The following PCDH15 variants were observed in gnomAD, a reference collection of about 807,000 sequenced individuals.
The protein encoded by PCDH15 is protocadherin-15.
In PCDH15, 129 loss-of-function variants were observed where a neutral mutation model predicts 178.5. The ratio of observed to expected loss-of-function variants is 0.72; its 90% CI spans 0.63 to 0.84. The LOEUF is 0.84. Among genes scored for constraint, PCDH15 ranks in the 40% least tolerant of loss-of-function variants. The pLI, the probability that PCDH15 is intolerant of heterozygous loss-of-function variation, is 0.00. For synonymous variants in PCDH15, 800 were observed against 732.0 expected, an observed-to-expected ratio of 1.09 and a Z score of -1.50; for missense variants, 2,230 against 2,099.9, an observed-to-expected ratio of 1.06 and a Z score of -1.21.
At chr10:54,363,313 A>C (rs140568495) in intron 5 of PCDH15, among the ~76,000 whole-genome samples, 1 of 152,306 alleles carries the variant, frequency 6.6e-6, no homozygotes. Flanking sequence ...CAGGTCATTT[A>C]TCATACATGG....
At chr10:55,511,405 C>G (rs1457771809) in intron 2 of PCDH15, among the ~76,000 whole-genome samples, 1 of 152,004 alleles carries the variant, frequency 6.6e-6, no homozygotes, top group African/African-American at 2.4e-5. Context: ...AGAACACTGA[C>G]AAAACCTGAT....
At chr10:54,646,181 A>T (rs1022104682) in intron 2 of PCDH15, among the ~76,000 whole-genome samples, 1 of 152,108 alleles carries the variant, frequency 6.6e-6, no homozygotes, top group South Asian at 2.1e-4. Flanking sequence ...TTTGTAATCT[A>T]TTGCAGGTGA....
chr10:55,015,090 G>A (rs1304969279), intron 2 of PCDH15, among the ~76,000 whole-genome samples: 1 of 152,022 alleles, frequency 6.6e-6, no homozygotes, highest in Admixed American at 6.6e-5. Context: ...ATGTGATGGT[G>A]TGTGCATGTA....
intron 1 of PCDH15, among the ~76,000 whole-genome samples, chr10:54,692,590 C>G (rs72794520): frequency 1.3e-5 from 2 of 152,116 alleles, no homozygotes; most frequent in Admixed American, 1.3e-4. Context: ...AAATAAAAAT[C>G]GGTTAGAGCT....
At chr10:53,822,174 T>C in intron 32 of PCDH15, 2 of 1,614,032 alleles carry the variant, frequency 1.2e-6, no homozygotes, top group African/African-American at 1.3e-5. Context: ...AGGCATCAAG[T>C]TGGTCGTGCA....
At chr10:53,878,313 T>G (rs11524323) in intron 26 of PCDH15, among the ~76,000 whole-genome samples, 89,977 of 140,808 alleles carry the variant, frequency 0.64, 29,460 homozygotes, top group Middle Eastern at 0.78. Context: ...ACTATATATA[T>G]TCTATATATA....
intron 1 of PCDH15, among the ~76,000 whole-genome samples, chr10:55,179,685 C>T (rs1839589520): frequency 6.6e-6 from 1 of 151,954 alleles, no homozygotes; most frequent in African/African-American, 2.4e-5. Context: ...TCTCTGATTT[C>T]CACGTACCCT....
intron 3 of PCDH15, among the ~76,000 whole-genome samples, chr10:54,461,309 A>G (rs1453357476): frequency 6.6e-6 from 1 of 152,132 alleles, no homozygotes; most frequent in Non-Finnish European, 1.5e-5. Context: ...ACAATAGCCT[A>G]TCTTTCATGT....
chr10:54,758,988 T>C (rs1288125337), intron 1 of PCDH15, among the ~76,000 whole-genome samples: 2 of 152,140 alleles, frequency 1.3e-5, no homozygotes, highest in Non-Finnish European at 2.9e-5. Flanking sequence ...CTGACTCGCC[T>C]CTTATCTCTA....
intron 15 of PCDH15, among the ~76,000 whole-genome samples, chr10:54,103,226 T>G (rs1025000595): frequency 2.6e-5 from 4 of 152,176 alleles, no homozygotes; most frequent in Non-Finnish European, 4.4e-5. Context: ...TTAAATTAAG[T>G]AGGAATGCAG....
At chr10:54,416,421 G>A (rs1416056769) in intron 3 of PCDH15, among the ~76,000 whole-genome samples, 1 of 151,884 alleles carries the variant, frequency 6.6e-6, no homozygotes, top group Non-Finnish European at 1.5e-5. Flanking sequence ...TGATATCTTC[G>A]AGCTTCATCC....
At chr10:54,557,301 A>G (rs538715231) in intron 2 of PCDH15, among the ~76,000 whole-genome samples, 2 of 152,272 alleles carry the variant, frequency 1.3e-5, no homozygotes, top group South Asian at 4.1e-4. Flanking sequence ...TTGCAAAACA[A>G]AAGTCTATTG....
chr10:55,530,984 G>T lies in PCDH15; in HGVS notation c.-156+96641C>A, dbSNP rs181505756. On this transcript the variant is annotated intron_variant, in intron 2 of 5. Coordinates refer to the PCDH15 transcript ENST00000613346. ...TGGAAGTATTTGCAGCATCACAATT[G>T]TCAAAGTCTACAAATTAGGGTTGCT... Among the ~76,000 whole-genome samples, 205 of 149,148 alleles carry T rather than the reference G, an allele frequency of 1.4e-3. 1 individual carries two copies. Among genetic ancestry groups the T allele is most frequent in the African/African-American group, 4.7e-3 (190 of 40,482 alleles).
intron 1 of PCDH15, among the ~76,000 whole-genome samples, chr10:55,264,960 G>A (rs2132239549): frequency 6.6e-6 from 1 of 152,220 alleles, no homozygotes; most frequent in Non-Finnish European, 1.5e-5. Flanking sequence ...CCTGTTTGCT[G>A]TCTCAGGGAA....
At chr10:53,991,332 CA>C (rs1407687371) in intron 21 of PCDH15, among the ~76,000 whole-genome samples, 6 of 152,154 alleles carry the variant, frequency 3.9e-5, no homozygotes, top group Non-Finnish European at 7.3e-5. Flanking sequence ...GTACATGCAC[CA>C]ATCAGCACTC....
At chr10:55,205,393 C>A (rs1265459065) in intron 1 of PCDH15, among the ~76,000 whole-genome samples, 3 of 151,806 alleles carry the variant, frequency 2.0e-5, no homozygotes, top group Admixed American at 1.3e-4. Flanking sequence ...ACAATGATAG[C>A]AACATATGTA....
At chr10:54,301,048 G>T (rs1292875429) in intron 8 of PCDH15, among the ~76,000 whole-genome samples, 2 of 152,088 alleles carry the variant, frequency 1.3e-5, no homozygotes, top group Non-Finnish European at 2.9e-5. Context: ...TGAAGTCAGC[G>T]AGACCACGAA....
intron 7 of PCDH15, among the ~76,000 whole-genome samples, chr10:54,320,058 T>C (rs1283970012): frequency 1.3e-5 from 2 of 152,038 alleles, no homozygotes; most frequent in Non-Finnish European, 2.9e-5. Context: ...ATTTTCAAAG[T>C]TTCGGAACTC....
intron 1 of PCDH15, among the ~76,000 whole-genome samples, chr10:55,265,980 G>A (rs900740043): frequency 3.3e-5 from 5 of 152,008 alleles, no homozygotes; most frequent in Non-Finnish European, 1.5e-5. Context: ...CTCAAACAGG[G>A]TGCACCTATT....
Sources: gnomAD v4.1 joint callset for allele counts (sites outside exome capture counted in the v4.1 genomes callset) on GRCh38, gnomAD v4.1.1 for gene constraint, MANE v1.5 for transcripts, NCBI Gene and HGNC (gene_info 2026-07-23, HGNC 2026-07-21) for gene names.